The following RABL6 variants were observed in gnomAD, a reference collection of about 807,000 sequenced individuals.
RABL6 encodes the protein RAB, member RAS oncogene family like 6.
A neutral mutation model predicts 72.9 loss-of-function variants in RABL6; 28 were observed. That is an observed-to-expected ratio of 0.38 (90% CI 0.28 to 0.53). The LOEUF is 0.53. RABL6 is among the 20% of genes least tolerant of loss of function. The pLI, the probability that RABL6 is intolerant of heterozygous loss-of-function variation, is 0.80. For missense variants in RABL6, 1,029 were observed against 1,008.4 expected (o/e 1.02, Z -0.28); for synonymous variants, 477 against 421.2 (o/e 1.13, Z -1.62).
At position 136,840,920 on chromosome 9, in the gene RABL6, T is replaced by C. The variant is rs1848685320; in HGVS notation, c.*398T>C. 6.7e-7 allele frequency: 1 copy of C among 1,482,330 alleles called. No individual in the cohort carries two copies. The highest frequency in any genetic ancestry group is 9.0e-7 in the Non-Finnish European group (1 of 1,111,836). The allele number at this position is 1,482,330 out of a possible 1,614,324, so 91.8% of individuals were successfully genotyped here. ...GGCACCTGCTTGCCCTCCGCGCTCA[T>C]CTGGGGCCGCAGCATGCCTATGGTT... On this transcript the variant is annotated 3_prime_UTR_variant, in exon 15 of 15. Coordinates refer to ENST00000311502, the MANE Select transcript of RABL6 (RefSeq NM_024718.5).
chr9:136,814,247 A>G lies in RABL6; in HGVS notation c.130+5921A>G, dbSNP rs371275719. On this transcript the variant is annotated intron_variant, in intron 1 of 14. Transcript: ENST00000311502. ...GCTCTGTTACCCAGGCTGGAGTGCA[A>G]TGGTGCTCACTGCAGCTTCCACCTC... 4.6e-3 allele frequency: 932 copies of G among 202,956 alleles called. 34 individuals carry two copies. The South Asian group carries it at 0.054, about 12-fold the overall frequency. 12.6% of individuals were successfully genotyped at this position (202,956 alleles called of 1,614,324 possible).
At chr9:136,809,020 C>A (rs1260465811) in intron 1 of RABL6, 1 of 152,190 alleles carries the variant, frequency 6.6e-6, no homozygotes, top group Non-Finnish European at 1.5e-5. Flanking sequence ...TCCTCGACCT[C>A]TTATGAGTTT....
chr9:136,823,936 T>C (rs2811755), intron 2 of RABL6, among the ~76,000 whole-genome samples: 4,217 of 152,326 alleles, frequency 0.028, 90 homozygotes, highest in Non-Finnish European at 0.039. Flanking sequence ...CCTCGGGGGC[T>C]GAAAAGAGGT....
rs781326780 is a variant in RABL6 at position 136,828,535 on chromosome 9, G to A, written c.355G>A (p.Asp119Asn). 2.5e-6 allele frequency: 4 copies of A among 1,613,276 alleles called. No individual in the cohort carries two copies. The Admixed American group carries it at 5.0e-5, about 20-fold the overall frequency. ...AGGCGACGGCTTAAAGATGGAGAAC[G>A]ACCCCCAGGAGGTGAGTGCCAGGTA... ...KRGDGLKMENDPQEAESEMAL... is the reference protein window; with the variant it reads ...KRGDGLKMENNPQEAESEMAL... The change falls in exon 4 of 15, where the codon GAC (aspartate) becomes AAC (asparagine). Residue 119 changes from aspartate to asparagine, a missense_variant. Asp to Asn is a conservative substitution (Grantham distance 23). Coordinates refer to ENST00000311502, the MANE Select transcript of RABL6 (RefSeq NM_024718.5).
Position 136,835,897 on chromosome 9 carries a change from C to T in RABL6, c.809+52C>T, listed in dbSNP as rs369381371. 1.8e-5 allele frequency: 27 copies of T among 1,502,874 alleles called. No homozygotes were observed. In the African/African-American group the frequency reaches 2.6e-4, roughly 15 times the overall value. 93.1% of individuals were successfully genotyped at this position (1,502,874 alleles called of 1,614,324 possible). On this transcript the variant is annotated intron_variant, in intron 8 of 14. Coordinates refer to ENST00000311502, the MANE Select transcript of RABL6 (RefSeq NM_024718.5). ...GCGGTGTGGGGGCTGCGGGCGTGGC[C>T]GTGGTGCAGGGCCATGGGCTGCACC...
chr9:136,813,595 C>A, intron 1 of RABL6: 1 of 333,830 alleles, frequency 3.0e-6, no homozygotes, highest in South Asian at 3.6e-5. Context: ...CTGACTAATC[C>A]AATCTCCACA....
intron 7 of RABL6, chr9:136,834,569 C>T (rs746182269): frequency 2.7e-6 from 2 of 746,010 alleles, no homozygotes; most frequent in Non-Finnish European, 3.3e-6. Context: ...ACCTCTGCCT[C>T]CTGGGTTCAA....
intron 11 of RABL6, 37 bp from the exon 12 acceptor site, chr9:136,839,185 C>T (rs1176451563): frequency 6.3e-6 from 10 of 1,598,366 alleles, no homozygotes; most frequent in Non-Finnish European, 6.8e-6. Flanking sequence ...AGGACGCCTC[C>T]AGAGGACCCT....
rs1356184086 is a variant in RABL6 at position 136,831,809 on chromosome 9, C to T, written c.547C>T (p.His183Tyr). Residue 183 changes from histidine to tyrosine, a missense_variant, in exon 6 of 15, where the codon CAC (histidine) becomes TAC (tyrosine). Coordinates refer to ENST00000311502, the MANE Select transcript of RABL6 (RefSeq NM_024718.5). ...GGGAAACTACCGGGACATGGGCGAG[C>T]ACCGAGTCATCCTGCCGGACGACGT... is the stretch of plus-strand genomic sequence containing the variant. ...VLGNYRDMGEHRVILPDDVRD... is the reference protein window; with the variant it reads ...VLGNYRDMGEYRVILPDDVRD... 3 of 1,613,222 alleles carry T rather than the reference C, an allele frequency of 1.9e-6. No homozygotes were observed. Among genetic ancestry groups the T allele is most frequent in the African/African-American group, 1.3e-5 (1 of 75,038 alleles).
chr9:136,813,224 CT>C, intron 1 of RABL6: 3 of 530,798 alleles, frequency 5.7e-6, no homozygotes, highest in Non-Finnish European at 1.1e-5. Flanking sequence ...CCCAGTTTCC[CT>C]TTTATTACAG....
intron 2 of RABL6, 73 bp from the exon 3 acceptor site, chr9:136,825,706 A>G: frequency 1.3e-6 from 2 of 1,524,258 alleles, no homozygotes; most frequent in Non-Finnish European, 1.8e-6. Context: ...AGACAACCAC[A>G]CCAGCTGGAC....
chr9:136,831,848 G>T lies in RABL6; in HGVS notation c.586G>T (p.Asp196Tyr), dbSNP rs777136840. ...ILPDDVRDFI[D>Y]NLDRPPGSSY... Reference sequence around the variant, plus strand: ...GCCGGACGACGTGCGTGACTTCATCGACAACCTGGACAGGTGGGTGCGGTG... The same window carrying T: ...GCCGGACGACGTGCGTGACTTCATCTACAACCTGGACAGGTGGGTGCGGTG... Residue 196 changes from aspartate to tyrosine, a missense_variant, in exon 6 of 15, where the codon GAC (aspartate) becomes TAC (tyrosine). Transcript: ENST00000311502. The T allele has an allele frequency of 6.2e-7, 1 of 1,611,304 alleles. No homozygotes were observed. Among genetic ancestry groups the T allele is most frequent in the Non-Finnish European group, 8.5e-7 (1 of 1,178,802 alleles).
chr9:136,840,527 G>T lies in RABL6; in HGVS notation c.*5G>T, dbSNP rs1488262896. ...GGCGACTACGAGGAGCTCTAGGCCG[G>T]CGTGGGCAGTGGCCGCCCTGGGGCG... On this transcript the variant is annotated 3_prime_UTR_variant, in exon 15 of 15. Coordinates refer to ENST00000311502, the MANE Select transcript of RABL6 (RefSeq NM_024718.5). 6.5e-7 allele frequency: 1 copy of T among 1,543,324 alleles called. No individual in the cohort carries two copies. Among genetic ancestry groups the T allele is most frequent in the Non-Finnish European group, 8.7e-7 (1 of 1,144,728 alleles).
Position 136,840,679 on chromosome 9 carries a change from C to T in RABL6, c.*157C>T. On this transcript the variant is annotated 3_prime_UTR_variant, in exon 15 of 15. Coordinates refer to ENST00000311502, the MANE Select transcript of RABL6 (RefSeq NM_024718.5). ...GGGCATTGGTGGTCCCCAGGCTGGG[C>T]CCTGCAGGTGCTGGGCCTTCAGGCC... The T allele has an allele frequency of 6.5e-7, 1 of 1,549,224 alleles. No homozygotes were observed. The highest frequency in any genetic ancestry group is 8.7e-7 in the Non-Finnish European group (1 of 1,146,840).
chr9:136,825,009 C>T (rs557692659), intron 2 of RABL6, among the ~76,000 whole-genome samples: 4 of 143,460 alleles, frequency 2.8e-5, no homozygotes, highest in Non-Finnish European at 5.9e-5. Flanking sequence ...TTCTCCCTTC[C>T]CCTTGGAATC....
intron 1 of RABL6, among the ~76,000 whole-genome samples, chr9:136,810,794 G>A (rs1288488016): frequency 6.6e-6 from 1 of 152,226 alleles, no homozygotes; most frequent in East Asian, 1.9e-4. Context: ...GCCCGCCTCA[G>A]CCTCTCAAAG....
Position 136,840,596 on chromosome 9 carries a change from C to A in RABL6, c.*74C>A, listed in dbSNP as rs925998808. ...GCCTGGGGAGGCATTTGCCTCTGTACCATCGCCTTTGCCGCTGCCCCGTGG... is the reference window on the plus strand; with the variant it reads ...GCCTGGGGAGGCATTTGCCTCTGTAACATCGCCTTTGCCGCTGCCCCGTGG... On this transcript the variant is annotated 3_prime_UTR_variant, in exon 15 of 15. Transcript: ENST00000311502. 5 of 1,549,444 alleles carry A rather than the reference C, an allele frequency of 3.2e-6. No homozygotes were observed. Among genetic ancestry groups the A allele is most frequent in the Non-Finnish European group, 4.4e-6 (5 of 1,146,808 alleles).
Position 136,840,458 on chromosome 9 carries a change from C to T in RABL6, c.2126C>T (p.Ala709Val). 1 of 1,541,022 alleles carries T rather than the reference C, an allele frequency of 6.5e-7. No individual in the cohort carries two copies. Among genetic ancestry groups the T allele is most frequent in the Non-Finnish European group, 8.7e-7 (1 of 1,143,582 alleles). Reference sequence around the variant, plus strand: ...AGGACGGCTGCCGATGAGCTGGAGGCTTTCCTGGGGGGCGGGGCCCCGGGC... The same window carrying T: ...AGGACGGCTGCCGATGAGCTGGAGGTTTTCCTGGGGGGCGGGGCCCCGGGC... Reference protein sequence around the residue: ...RERTAADELEAFLGGGAPGGR... With the variant: ...RERTAADELEVFLGGGAPGGR... The change falls in exon 15 of 15, where the codon GCT (alanine) becomes GTT (valine). Residue 709 changes from alanine to valine, a missense_variant. Physicochemically the swap from Ala to Val is moderately conservative, Grantham distance 64 (BLOSUM62 0). Transcript: ENST00000311502.
chr9:136,835,912 T>C (rs1357513568), intron 8 of RABL6, 67 bp downstream of exon 8: 3 of 1,389,624 alleles, frequency 2.2e-6, no homozygotes, highest in Non-Finnish European at 3.0e-6. Context: ...TGCAGGGCCA[T>C]GGGCTGCACC....
Sources: gnomAD v4.1 joint callset for allele counts (sites outside exome capture counted in the v4.1 genomes callset) on GRCh38, gnomAD v4.1.1 for gene constraint, MANE v1.5 for transcripts, NCBI Gene and HGNC (gene_info 2026-07-23, HGNC 2026-07-21) for gene names.